The following LGI2 variants were observed in gnomAD, a reference collection of about 807,000 sequenced individuals.
LGI2 encodes leucine-rich repeat LGI family member 2.
LGI2 carries 30 observed loss-of-function variants against 52.0 expected under a neutral mutation model. That is an observed-to-expected ratio of 0.58 (90% CI 0.43 to 0.78). The LOEUF (loss-of-function observed/expected upper bound fraction) is 0.78. Among genes scored for constraint, LGI2 ranks in the 30% least tolerant of loss-of-function variants. LGI2 has a pLI of 0.00. For missense variants in LGI2, 573 were observed against 692.5 expected (o/e 0.83, Z 1.94); for synonymous variants, 270 against 271.8 (o/e 0.99, Z 0.06).
At chr4:25,015,627 T>G (rs1725733164) in intron 6 of LGI2, among the ~76,000 whole-genome samples, 2 of 152,176 alleles carry the variant, frequency 1.3e-5, no homozygotes, top group South Asian at 4.1e-4. Flanking sequence ...TTCTAAACCT[T>G]TGGCAAGAAT....
At chr4:25,020,113 C>CT (rs1725909202) in intron 4 of LGI2, among the ~76,000 whole-genome samples, 2 of 152,156 alleles carry the variant, frequency 1.3e-5, no homozygotes, top group Admixed American at 1.3e-4. Flanking sequence ...GTCAATACTC[C>CT]TTTACATAAA....
chr4:25,028,017 AT>A (rs1726202712), intron 2 of LGI2, among the ~76,000 whole-genome samples: 1 of 152,228 alleles, frequency 6.6e-6, no homozygotes. Flanking sequence ...TATCTATCAA[AT>A]GGGATCATAA....
rs767382221 is a variant in LGI2 at position 25,004,257 on chromosome 4, C to T, written c.832G>A (p.Val278Met). 11 of 1,612,520 alleles carry T rather than the reference C, an allele frequency of 6.8e-6. No homozygotes were observed. Among genetic ancestry groups the T allele is most frequent in the African/African-American group, 5.3e-5 (4 of 74,980 alleles). The change falls in exon 8 of 8, where the codon GTG becomes ATG. Residue 278 changes from valine to methionine, a missense_variant. Coordinates refer to ENST00000382114, the MANE Select transcript of LGI2 (RefSeq NM_018176.4). The surrounding 1 kb of genome is among the most constrained non-coding windows in gnomAD (Gnocchi z 4.6). ...SYDNITGQSI[V>M]GCKAILIDDQ... ...TCGATGAGAATGGCCTTACAGCCCA[C>T]GATGGACTGACCTGTGCTCCAAAAT...
chr4:25,006,572 T>C (rs1364042126), intron 7 of LGI2, among the ~76,000 whole-genome samples: 1 of 152,222 alleles, frequency 6.6e-6, no homozygotes, highest in Non-Finnish European at 1.5e-5. Context: ...AATTATTGCA[T>C]TGTTTTTCCC....
intron 6 of LGI2, among the ~76,000 whole-genome samples, chr4:25,014,674 A>G (rs1006431271): frequency 2.0e-5 from 3 of 151,876 alleles, no homozygotes; most frequent in African/African-American, 7.3e-5. Flanking sequence ...ACTAAAAATT[A>G]AGAAAAATTA....
At chr4:24,995,123 C>G (rs1471643766), downstream of LGI2, among the ~76,000 whole-genome samples, 1 of 152,160 alleles carries the variant, frequency 6.6e-6, no homozygotes, top group Non-Finnish European at 1.5e-5. Flanking sequence ...GTGGAAATGA[C>G]TTCTCTCCCT....
chr4:25,007,578 A>ACT (rs1049118040), intron 7 of LGI2, among the ~76,000 whole-genome samples: 1 of 142,350 alleles, frequency 7.0e-6, no homozygotes, highest in African/African-American at 2.6e-5. Flanking sequence ...CAGACAGATC[A>ACT]GTGTGTGTGT....
chr4:25,017,154 A>G (rs1725792222), intron 6 of LGI2, among the ~76,000 whole-genome samples: 1 of 152,154 alleles, frequency 6.6e-6, no homozygotes, highest in South Asian at 2.1e-4. Flanking sequence ...TTTGATAACT[A>G]GTTGTTAACT....
intron 6 of LGI2, among the ~76,000 whole-genome samples, chr4:25,015,310 A>C (rs1032363281): frequency 2.0e-5 from 3 of 152,230 alleles, no homozygotes; most frequent in Non-Finnish European, 4.4e-5. Flanking sequence ...TAGAATGCAA[A>C]ATTCACTTCC....
At chr4:25,029,386 C>G (rs1726252965) in intron 1 of LGI2, among the ~76,000 whole-genome samples, 1 of 152,150 alleles carries the variant, frequency 6.6e-6, no homozygotes, top group African/African-American at 2.4e-5. Flanking sequence ...AAATGGGAAC[C>G]CCCTCACTCC....
At chr4:24,997,327 T>G (rs1288464919), downstream of LGI2, among the ~76,000 whole-genome samples, 1 of 152,224 alleles carries the variant, frequency 6.6e-6, no homozygotes, top group African/African-American at 2.4e-5. Flanking sequence ...ATGGTTGGCT[T>G]TGGGCAATTT....
chr4:25,005,773 G>A (rs1353560380), intron 7 of LGI2, among the ~76,000 whole-genome samples: 1 of 152,116 alleles, frequency 6.6e-6, no homozygotes, highest in Non-Finnish European at 1.5e-5. Flanking sequence ...AGGAAGCCAA[G>A]TGGAGGCAGA....
intron 6 of LGI2, among the ~76,000 whole-genome samples, chr4:25,016,531 A>C (rs749259690): frequency 6.6e-6 from 1 of 152,248 alleles, no homozygotes; most frequent in Non-Finnish European, 1.5e-5. Flanking sequence ...CTAACCTCGT[A>C]GTGGCCTCAG....
chr4:24,996,447 T>C (rs1020899063), downstream of LGI2, among the ~76,000 whole-genome samples: 1 of 152,182 alleles, frequency 6.6e-6, no homozygotes, highest in Non-Finnish European at 1.5e-5. Flanking sequence ...TGATGTAAAC[T>C]AGAAATAAAA....
chr4:25,008,980 G>C (rs571143264), intron 7 of LGI2, among the ~76,000 whole-genome samples: 3 of 152,298 alleles, frequency 2.0e-5, no homozygotes, highest in African/African-American at 7.2e-5. Context: ...TCGCTTGCCT[G>C]GGTTCCGGAT....
At chr4:25,020,962 T>C (rs1041482576) in intron 4 of LGI2, among the ~76,000 whole-genome samples, 1 of 152,214 alleles carries the variant, frequency 6.6e-6, no homozygotes, top group African/African-American at 2.4e-5. Flanking sequence ...GGTGTTCATT[T>C]TGATTTTCTT....
intron 4 of LGI2, among the ~76,000 whole-genome samples, chr4:25,022,886 A>G (rs1275240117): frequency 6.6e-6 from 1 of 152,194 alleles, no homozygotes; most frequent in Non-Finnish European, 1.5e-5. Flanking sequence ...TTTTGCTCAA[A>G]TATAAAGCCC....
At position 25,030,519 on chromosome 4, in the gene LGI2, C is replaced by A; in HGVS notation, c.175G>T (p.Val59Leu). 1 of 1,594,460 alleles carries A rather than the reference C, an allele frequency of 6.3e-7. No individual in the cohort carries two copies. Residue 59 changes from valine (V) to leucine (L), a missense_variant, in exon 1 of 8, where the codon GTG becomes TTG. Coordinates refer to ENST00000382114, the MANE Select transcript of LGI2 (RefSeq NM_018176.4). ...CVGSSWVPRI[V>L]PGDISSLSLV... ...CACAGGGAGCTGATGTCGCCCGGCA[C>A]GATCCTGGGCACCCAGGAAGAGCCC...
chr4:25,024,833 C>T lies in LGI2; in HGVS notation c.400G>A (p.Asp134Asn). ...CATAGGACTTACAGGTGAGTCAGGT[C>T]ACGGAGGCCACGAAAGGCATTTCTT... ...ISRNAFRGLR[D>N]LTHLSLANNH... Residue 134 changes from aspartate (D) to asparagine (N), a missense_variant, in exon 4 of 8, where the codon GAC becomes AAC. By Grantham distance (23) the Asp-to-Asn change is conservative. Coordinates refer to ENST00000382114, the MANE Select transcript of LGI2 (RefSeq NM_018176.4). 1 of 1,607,956 alleles carries T rather than the reference C, an allele frequency of 6.2e-7. No individual in the cohort carries two copies. The highest frequency in any genetic ancestry group is 8.5e-7 in the Non-Finnish European group (1 of 1,177,462).
Sources: allele counts gnomAD v4.1 joint callset (sites outside exome capture counted in the v4.1 genomes callset), GRCh38; gene constraint gnomAD v4.1.1; non-coding constraint Gnocchi (gnomAD v3.1); transcripts MANE v1.5; gene names NCBI Gene and HGNC (gene_info 2026-07-23, HGNC 2026-07-21).